HLCS: variants seen among roughly 807,000 people sequenced by gnomAD.
HLCS encodes the protein biotin--protein ligase.
Under a neutral mutation model 75.0 loss-of-function variants are expected in HLCS, and 53 were observed. The ratio of observed to expected loss-of-function variants is 0.71; its 90% CI spans 0.57 to 0.89. The LOEUF is 0.89. Among genes scored for constraint, HLCS ranks in the 40% least tolerant of loss-of-function variants. The pLI, the probability that HLCS is intolerant of heterozygous loss-of-function variation, is 0.00. For synonymous variants in HLCS, 431 were observed against 428.6 expected, an observed-to-expected ratio of 1.01 and a Z score of -0.07; for missense variants, 966 against 1,074.0, an observed-to-expected ratio of 0.90 and a Z score of 1.41.
intron 6 of HLCS, among the ~76,000 whole-genome samples, chr21:36,883,819 G>A (rs887398022): frequency 6.6e-5 from 10 of 152,070 alleles, no homozygotes; most frequent in South Asian, 2.1e-4. Flanking sequence ...TGCCAGGTCC[G>A]ACCCGCAGAC....
chr21:36,804,409 C>T (rs1173784861), intron 6 of HLCS: 3 of 152,344 alleles, frequency 2.0e-5, no homozygotes, highest in African/African-American at 7.2e-5. Flanking sequence ...TCCCAGAAGC[C>T]GCTGGGTTCC....
chr21:36,903,948 A>G (rs1188391184), intron 5 of HLCS, among the ~76,000 whole-genome samples: 1 of 152,110 alleles, frequency 6.6e-6, no homozygotes, highest in Admixed American at 6.5e-5. Flanking sequence ...GAAGAGAAAG[A>G]AAGACCTAAG....
rs115263163 is a variant in HLCS, at chr21:36,840,149, T to A, written c.1892+56711A>T. ...CATCTTGTAACTTTACTTATCCTAG[T>A]AGAAGCTTTATTGCTAATTTTTACA... On this transcript the variant is annotated intron_variant, in intron 6 of 10. Coordinates refer to ENST00000674895, the MANE Select transcript of HLCS (RefSeq NM_001352514.2). Among the ~76,000 whole-genome samples the A allele has an allele frequency of 4.3e-3, 651 of 152,344 alleles. 5 individuals are homozygous for A. Among genetic ancestry groups the A allele is most frequent in the African/African-American group, 0.015 (615 of 41,586 alleles).
At chr21:36,966,035 C>T (rs1028222739) in intron 1 of HLCS, among the ~76,000 whole-genome samples, 55 of 152,330 alleles carry the variant, frequency 3.6e-4, no homozygotes, top group Admixed American at 7.8e-4. Flanking sequence ...GCAGGGATTA[C>T]AGGCATAAGC....
intron 6 of HLCS, among the ~76,000 whole-genome samples, chr21:36,823,809 A>G (rs1259052555): frequency 6.6e-6 from 1 of 152,146 alleles, no homozygotes; most frequent in African/African-American, 2.4e-5. Context: ...AGCTACATGG[A>G]CCAGGCCTAT....
intron 1 of HLCS, among the ~76,000 whole-genome samples, chr21:36,966,180 G>A (rs1156938145): frequency 6.6e-6 from 1 of 152,212 alleles, no homozygotes; most frequent in Non-Finnish European, 1.5e-5. Flanking sequence ...CACAGCTCAC[G>A]TCCTCACAGG....
At chr21:36,912,114 C>A (rs1032059948) in intron 5 of HLCS, among the ~76,000 whole-genome samples, 31 of 151,686 alleles carry the variant, frequency 2.0e-4, no homozygotes, top group Non-Finnish European at 1.9e-4. Context: ...AATACATGAT[C>A]CAGCAATTCC....
chr21:36,836,544 A>G (rs2062419648), intron 6 of HLCS, among the ~76,000 whole-genome samples: 1 of 146,758 alleles, frequency 6.8e-6, no homozygotes, highest in Non-Finnish European at 1.5e-5. Context: ...TTCCCTGCAC[A>G]GCAAAAGAAA....
At chr21:36,896,688 A>C (rs987685717) in intron 6 of HLCS, 172 bp downstream of exon 6, 7 of 715,356 alleles carry the variant, frequency 9.8e-6, no homozygotes, top group Non-Finnish European at 1.6e-5. Context: ...AAAGAACTTC[A>C]ATTTCCTTTC....
chr21:36,919,894 G>C (rs1345735465), intron 5 of HLCS, among the ~76,000 whole-genome samples: 1 of 152,202 alleles, frequency 6.6e-6, no homozygotes, highest in Non-Finnish European at 1.5e-5. Context: ...CAAAGGAACT[G>C]CTTAAAAAGT....
At chr21:36,884,556 T>C (rs1001557278) in intron 6 of HLCS, among the ~76,000 whole-genome samples, 1 of 152,226 alleles carries the variant, frequency 6.6e-6, no homozygotes, top group African/African-American at 2.4e-5. Context: ...CCTCAGCAGA[T>C]TCAGCTCACT....
chr21:36,772,143 A>G (rs1177345415), intron 6 of HLCS, among the ~76,000 whole-genome samples: 1 of 152,184 alleles, frequency 6.6e-6, no homozygotes, highest in East Asian at 1.9e-4. Flanking sequence ...AAAAGTGTAT[A>G]TTCTTTTAGA....
At chr21:36,926,692 C>T (rs544227067) in intron 5 of HLCS, among the ~76,000 whole-genome samples, 1 of 151,392 alleles carries the variant, frequency 6.6e-6, no homozygotes, top group East Asian at 1.9e-4. Flanking sequence ...TTAAGCACTC[C>T]ACCACAAATA....
intron 2 of HLCS, among the ~76,000 whole-genome samples, chr21:36,955,071 CAACAA>C (rs2067867636): frequency 6.6e-6 from 1 of 152,080 alleles, no homozygotes; most frequent in Non-Finnish European, 1.5e-5. Flanking sequence ...AAAAAAAACC[CAACAA>C]AACAGTTAAC....
upstream of HLCS, among the ~76,000 whole-genome samples, chr21:36,971,557 G>A (rs774965091): frequency 1.1e-4 from 16 of 152,172 alleles, no homozygotes; most frequent in East Asian, 3.9e-4. Flanking sequence ...GGCTGGGCGC[G>A]GTGGCTCACA....
At chr21:36,848,627 A>G (rs1283103291) in intron 6 of HLCS, among the ~76,000 whole-genome samples, 1 of 152,018 alleles carries the variant, frequency 6.6e-6, no homozygotes, top group East Asian at 1.9e-4. Context: ...TATTCCAACT[A>G]TTTTTCCTCC....
At chr21:36,864,532 A>AC (rs1349941194) in intron 6 of HLCS, among the ~76,000 whole-genome samples, 1 of 152,204 alleles carries the variant, frequency 6.6e-6, no homozygotes, top group Non-Finnish European at 1.5e-5. Flanking sequence ...TGTTTTATCT[A>AC]CAATAAAAAT....
chr21:36,967,421 C>G (rs1157240860), upstream of HLCS, among the ~76,000 whole-genome samples: 1 of 152,142 alleles, frequency 6.6e-6, no homozygotes, highest in Non-Finnish European at 1.5e-5. Flanking sequence ...GGTGTTCTTG[C>G]TACATGTGGG....
At chr21:36,761,164 A>C (rs546793621) in intron 8 of HLCS, among the ~76,000 whole-genome samples, 1 of 152,276 alleles carries the variant, frequency 6.6e-6, no homozygotes, top group South Asian at 2.1e-4. Flanking sequence ...ATCCCCAGGG[A>C]ACAGAGGGAG....
Sources: allele counts gnomAD v4.1 joint callset (sites outside exome capture counted in the v4.1 genomes callset), GRCh38; gene constraint gnomAD v4.1.1; transcripts MANE v1.5; gene names NCBI Gene and HGNC (gene_info 2026-07-23, HGNC 2026-07-21).